Variants in SUGCT observed in about 807,000 individuals in gnomAD.
The protein encoded by SUGCT is succinyl-CoA:glutarate-CoA transferase, also known as succinyl-CoA:glutarate CoA-transferase.
A neutral mutation model predicts 55.0 loss-of-function variants in SUGCT; 41 were observed. That is an observed-to-expected ratio of 0.74 (90% CI 0.58 to 0.97). The LOEUF is 0.97. Among genes scored for constraint, SUGCT ranks in the 50% least tolerant of loss-of-function variants. The pLI, the probability that SUGCT is intolerant of heterozygous loss-of-function variation, is 0.00. For synonymous variants in SUGCT, 187 were observed against 200.4 expected, an observed-to-expected ratio of 0.93 and a Z score of 0.56; for missense variants, 568 against 547.8, an observed-to-expected ratio of 1.04 and a Z score of -0.37.
intron 12 of SUGCT, among the ~76,000 whole-genome samples, chr7:40,550,655 G>T (rs6462985): frequency 0.21 from 31,518 of 151,944 alleles, 5,647 homozygotes; most frequent in African/African-American, 0.49. Context: ...ATTAACTAAA[G>T]GTACTAAATA....
chr7:40,698,050 C>G (rs961976254), intron 12 of SUGCT, among the ~76,000 whole-genome samples: 1 of 152,162 alleles, frequency 6.6e-6, no homozygotes, highest in Non-Finnish European at 1.5e-5. Context: ...GGTTAATGAG[C>G]TGAATCTTGA....
chr7:40,170,345 T>C (rs1001996646), intron 1 of SUGCT, among the ~76,000 whole-genome samples: 1 of 152,188 alleles, frequency 6.6e-6, no homozygotes, highest in Non-Finnish European at 1.5e-5. Flanking sequence ...CTAACCCTTA[T>C]AAAACATCAA....
chr7:40,420,684 A>G (rs1787259633), intron 9 of SUGCT, among the ~76,000 whole-genome samples: 1 of 152,004 alleles, frequency 6.6e-6, no homozygotes, highest in Non-Finnish European at 1.5e-5. Flanking sequence ...GTGGCAGATC[A>G]TCTTTCTGGC....
intron 3 of SUGCT, among the ~76,000 whole-genome samples, chr7:40,186,653 A>C (rs932602684): frequency 6.6e-6 from 1 of 152,142 alleles, no homozygotes; most frequent in East Asian, 1.9e-4. Flanking sequence ...CTTTTTGTAG[A>C]GTTAGCCAGT....
At chr7:40,589,100 C>CTA (rs1397380377) in intron 12 of SUGCT, among the ~76,000 whole-genome samples, 1 of 151,942 alleles carries the variant, frequency 6.6e-6, no homozygotes, top group African/African-American at 2.4e-5. Flanking sequence ...GTCATAGCAG[C>CTA]TTGTCACTCT....
At chr7:40,651,120 A>G (rs1584209109) in intron 12 of SUGCT, among the ~76,000 whole-genome samples, 1 of 152,064 alleles carries the variant, frequency 6.6e-6, no homozygotes, top group African/African-American at 2.4e-5. Flanking sequence ...CTGCTCTATC[A>G]TTGGTGGGCA....
intron 9 of SUGCT, among the ~76,000 whole-genome samples, chr7:40,368,102 T>C (rs1784104336): frequency 6.6e-6 from 1 of 152,230 alleles, no homozygotes; most frequent in African/African-American, 2.4e-5. Context: ...TATTGTCATC[T>C]CCGAAAGTCT....
chr7:40,494,640 A>T (rs1486942048), intron 11 of SUGCT, among the ~76,000 whole-genome samples: 1 of 152,178 alleles, frequency 6.6e-6, no homozygotes, highest in African/African-American at 2.4e-5. Context: ...AAAAACAAAA[A>T]TCAATACTTG....
chr7:40,852,493 T>G (rs1274515330), intron 13 of SUGCT, among the ~76,000 whole-genome samples: 2 of 151,914 alleles, frequency 1.3e-5, no homozygotes, highest in Non-Finnish European at 2.9e-5. Flanking sequence ...GAACCTAGAA[T>G]AAGATCCACT....
At chr7:40,969,529 T>A in the SUGCT span, among the ~76,000 whole-genome samples, 2 of 152,126 alleles carry the variant, frequency 1.3e-5, no homozygotes, top group African/African-American at 2.4e-5. Context: ...TATTTTTTTT[T>A]AATTTTTGTA....
At chr7:40,744,982 G>C (rs1296526453) in intron 12 of SUGCT, among the ~76,000 whole-genome samples, 1 of 152,136 alleles carries the variant, frequency 6.6e-6, no homozygotes, top group African/African-American at 2.4e-5. Flanking sequence ...TTATATGACT[G>C]TGTTATGAAA....
chr7:40,899,460 T>TA, the SUGCT span, among the ~76,000 whole-genome samples: 2 of 152,066 alleles, frequency 1.3e-5, no homozygotes, highest in African/African-American at 4.8e-5. Flanking sequence ...GTGAAGCATA[T>TA]AAAAAGACAC....
intron 9 of SUGCT, among the ~76,000 whole-genome samples, chr7:40,337,834 T>A (rs975421761): frequency 2.0e-5 from 3 of 152,214 alleles, no homozygotes; most frequent in African/African-American, 7.2e-5. Flanking sequence ...ATGCAGTTTC[T>A]TCCTAGCCTC....
intron 12 of SUGCT, among the ~76,000 whole-genome samples, chr7:40,610,373 G>A (rs551575900): frequency 6.3e-4 from 96 of 152,300 alleles, no homozygotes; most frequent in African/African-American, 2.2e-3. Context: ...GCTTAAAACA[G>A]AATCTGTGGC....
chr7:41,033,252 G>T, the SUGCT span, among the ~76,000 whole-genome samples: 1 of 152,158 alleles, frequency 6.6e-6, no homozygotes, highest in Non-Finnish European at 1.5e-5. Flanking sequence ...ATCAACAACT[G>T]CAAACTTCTT....
intron 11 of SUGCT, among the ~76,000 whole-genome samples, chr7:40,475,542 C>A (rs924811400): frequency 1.4e-4 from 21 of 152,092 alleles, no homozygotes; most frequent in Admixed American, 5.9e-4. Context: ...TTAAGGAAAC[C>A]ATATTGGTGA....
At chr7:40,724,723 T>C (rs868786715) in intron 12 of SUGCT, among the ~76,000 whole-genome samples, 61 of 149,944 alleles carry the variant, frequency 4.1e-4, no homozygotes, top group African/African-American at 1.3e-3. Context: ...TTTAAATATA[T>C]GTATATATAA....
intron 13 of SUGCT, among the ~76,000 whole-genome samples, chr7:40,850,900 T>G (rs1320222522): frequency 6.6e-6 from 1 of 152,204 alleles, no homozygotes. Flanking sequence ...GGTATCTAAG[T>G]TGCTAAGGTC....
At chr7:40,634,617 A>G (rs1314769228) in intron 12 of SUGCT, among the ~76,000 whole-genome samples, 2 of 152,218 alleles carry the variant, frequency 1.3e-5, no homozygotes. Flanking sequence ...GAAGCAAAAC[A>G]AAATTTCCTA....
Sources: allele counts gnomAD v4.1 joint callset (sites outside exome capture counted in the v4.1 genomes callset), GRCh38; gene constraint gnomAD v4.1.1; transcripts MANE v1.5; gene names NCBI Gene and HGNC (gene_info 2026-07-23, HGNC 2026-07-21).